VWA3B: variants seen among roughly 807,000 people sequenced by gnomAD.
VWA3B encodes von Willebrand factor A domain containing 3B.
VWA3B carries 138 observed loss-of-function variants against 158.3 expected under a neutral mutation model. The ratio of observed to expected loss-of-function variants is 0.87; its 90% CI spans 0.76 to 1.00. VWA3B has a LOEUF of 1.00. Ranked by LOEUF, VWA3B falls within the 50% of genes least tolerant of loss-of-function variation. The probability of loss-of-function intolerance (pLI) is 0.00; values close to 1 mark genes in which losing one functional copy is unlikely to be tolerated. For synonymous variants in VWA3B, 596 were observed against 587.3 expected (o/e 1.01, Z -0.21); for missense variants, 1,555 against 1,565.1 (o/e 0.99, Z 0.11).
chr2:98,129,224 A>AGAGAGTGTGTGTGTGTGT (rs1370543551), intron 6 of VWA3B, among the ~76,000 whole-genome samples: 1,622 of 124,534 alleles, frequency 0.013, 30 homozygotes, highest in African/African-American at 0.037. Flanking sequence ...AGAGAGAGAG[A>AGAGAGTGTGTGTGTGTGT]GTGTGTGTGT....
intron 26 of VWA3B, among the ~76,000 whole-genome samples, chr2:98,304,274 G>A (rs986188074): frequency 1.3e-5 from 2 of 152,098 alleles, no homozygotes; most frequent in African/African-American, 4.8e-5. Flanking sequence ...ATGGCTAAGA[G>A]CTGTAAGGTA....
chr2:98,239,630 C>T (rs907913099), intron 19 of VWA3B, among the ~76,000 whole-genome samples: 2 of 151,550 alleles, frequency 1.3e-5, no homozygotes, highest in Non-Finnish European at 2.9e-5. Flanking sequence ...GAAAAACAGA[C>T]CTGGCCAGGT....
chr2:98,218,022 T>A lies in VWA3B; in HGVS notation c.2013T>A (p.Ala671=). The change falls in exon 14 of 28, where the codon GCT becomes GCA. Residue 671 remains alanine, a synonymous_variant. Coordinates refer to ENST00000477737, the MANE Select transcript of VWA3B (RefSeq NM_144992.5). The stretch of plus-strand genomic sequence containing the variant: ...GCAAGGATCCCACTCCCCCAGAGGC[T>A]GTTCAGGTAAGAGCTTGGTGGGCTA... ...FGCKDPTPPE[A]VQNEDLTLLV... The A allele has an allele frequency of 6.2e-7, 1 of 1,606,262 alleles. No homozygotes were observed. The highest frequency in any genetic ancestry group is 8.5e-7 in the Non-Finnish European group (1 of 1,176,808).
intron 13 of VWA3B, 91 bp downstream of exon 13, chr2:98,212,119 C>T (rs1477594316): frequency 2.7e-6 from 3 of 1,109,586 alleles, no homozygotes; most frequent in Non-Finnish European, 4.0e-6. Flanking sequence ...TCAGCTGCCA[C>T]CAAAAATCTG....
chr2:98,121,748 C>T (rs963105955), intron 5 of VWA3B, among the ~76,000 whole-genome samples: 2 of 152,040 alleles, frequency 1.3e-5, no homozygotes, highest in African/African-American at 4.8e-5. Context: ...CTCACACCCA[C>T]CGAGCACCGA....
rs557288333 is a variant in VWA3B at position 98,233,228 on chromosome 2, A to G, written c.2309-1420A>G. Reference sequence around the variant, plus strand: ...TTTGGGTTGCTCGGTATTGGGAGACAATCATGTGCTGAGTTTCTATTTTGT... The same window carrying G: ...TTTGGGTTGCTCGGTATTGGGAGACGATCATGTGCTGAGTTTCTATTTTGT... On this transcript the variant is annotated intron_variant, in intron 16 of 27. Transcript: ENST00000477737. Among the ~76,000 whole-genome samples, 115 of 152,316 alleles carry G rather than the reference A, an allele frequency of 7.6e-4. 4 individuals carry two copies. In the East Asian group the frequency reaches 0.015, roughly 20 times the overall value.
chr2:98,223,065 C>T (rs1252396989), intron 14 of VWA3B, among the ~76,000 whole-genome samples: 1 of 152,096 alleles, frequency 6.6e-6, no homozygotes, highest in Non-Finnish European at 1.5e-5. Context: ...CATAAAAATG[C>T]TTCAACAATC....
chr2:98,256,156 C>A lies in VWA3B; in HGVS notation c.2825C>A (p.Ser942Tyr). ...RLNKIVWRAL[S>Y]QEEKEKLDAN... is the part of the protein sequence containing the mutation. ...AATAAAATTGTTTGGCGAGCATTAT[C>A]TCAAGAGGAAAAAGAAAAGTAAGCC... Residue 942 changes from serine (S) to tyrosine (Y), a missense_variant, in exon 21 of 28, where the codon TCT (serine) becomes TAT (tyrosine). Ser to Tyr is a moderately radical substitution (Grantham distance 144). Coordinates refer to ENST00000477737, the MANE Select transcript of VWA3B (RefSeq NM_144992.5). 1 of 1,611,340 alleles carries A rather than the reference C, an allele frequency of 6.2e-7. No individual in the cohort carries two copies. The highest frequency in any genetic ancestry group is 1.7e-5 in the Admixed American group (1 of 59,544).
intron 22 of VWA3B, among the ~76,000 whole-genome samples, chr2:98,283,957 T>A (rs1211774557): frequency 1.3e-5 from 2 of 152,210 alleles, no homozygotes; most frequent in Non-Finnish European, 2.9e-5. Flanking sequence ...AACCTTGCAT[T>A]AGAAAGAATG....
intron 19 of VWA3B, among the ~76,000 whole-genome samples, chr2:98,240,250 A>G (rs1685987705): frequency 6.6e-6 from 1 of 152,182 alleles, no homozygotes; most frequent in Non-Finnish European, 1.5e-5. Flanking sequence ...TACCATATAC[A>G]TTTACTATTT....
intron 12 of VWA3B, among the ~76,000 whole-genome samples, chr2:98,198,548 TA>T (rs57194776): frequency 0.74 from 111,554 of 149,948 alleles, 41,681 homozygotes; most frequent in East Asian, 0.97. Flanking sequence ...TTGCATGCAG[TA>T]AAAAAAAAAA....
intron 8 of VWA3B, among the ~76,000 whole-genome samples, chr2:98,173,773 C>T (rs371952796): frequency 4.1e-4 from 63 of 152,122 alleles, no homozygotes; most frequent in African/African-American, 1.4e-3. Context: ...GGAGACCATT[C>T]TGGCCAACAC....
At chr2:98,091,346 G>C (rs298918) in intron 1 of VWA3B, among the ~76,000 whole-genome samples, 18,114 of 152,208 alleles carry the variant, frequency 0.12, 1,325 homozygotes, top group East Asian at 0.25. Context: ...TGTTAATAAT[G>C]AGTAACTGAT....
At chr2:98,122,648 G>T (rs1387277530) in intron 5 of VWA3B, among the ~76,000 whole-genome samples, 2 of 152,166 alleles carry the variant, frequency 1.3e-5, no homozygotes, top group African/African-American at 2.4e-5. Flanking sequence ...GTGTGTGCAT[G>T]AGCCTGGGCA....
chr2:98,158,729 A>T (rs1425070658), intron 7 of VWA3B, among the ~76,000 whole-genome samples: 1 of 144,422 alleles, frequency 6.9e-6, no homozygotes, highest in Non-Finnish European at 1.5e-5. Context: ...TGGAGTCAAG[A>T]CTATGTCTTC....
chr2:98,135,388 T>C (rs1253180417), intron 7 of VWA3B, among the ~76,000 whole-genome samples: 3 of 125,426 alleles, frequency 2.4e-5, no homozygotes, highest in Non-Finnish European at 3.2e-5. Flanking sequence ...CAGGCTGGAG[T>C]GCAGTGGCGG....
chr2:98,197,291 A>G (rs957032408), intron 12 of VWA3B, among the ~76,000 whole-genome samples: 1 of 152,218 alleles, frequency 6.6e-6, no homozygotes, highest in Non-Finnish European at 1.5e-5. Context: ...GAAGGCACAC[A>G]TGATGCTGAT....
chr2:98,120,922 C>G (rs1674906596), intron 4 of VWA3B, among the ~76,000 whole-genome samples: 1 of 152,178 alleles, frequency 6.6e-6, no homozygotes, highest in South Asian at 2.1e-4. Context: ...TGGTGATTTG[C>G]AAACCTTAAT....
At chr2:98,280,362 G>GA (rs954212432) in intron 22 of VWA3B, among the ~76,000 whole-genome samples, 1 of 150,894 alleles carries the variant, frequency 6.6e-6, no homozygotes, top group Admixed American at 6.6e-5. Flanking sequence ...GAGAGAGAGA[G>GA]AAAAAAAACA....
Sources: allele counts gnomAD v4.1 joint callset (sites outside exome capture counted in the v4.1 genomes callset), GRCh38; gene constraint gnomAD v4.1.1; transcripts MANE v1.5; gene names NCBI Gene and HGNC (gene_info 2026-07-23, HGNC 2026-07-21).